LDLRAD3: variants seen among roughly 807,000 people sequenced by gnomAD.
LDLRAD3 encodes low-density lipoprotein receptor class A domain-containing protein 3.
A neutral mutation model predicts 29.4 loss-of-function variants in LDLRAD3; 20 were observed. The ratio of observed to expected loss-of-function variants is 0.68; its 90% CI spans 0.48 to 0.99. LDLRAD3 has a LOEUF of 0.99. Among genes scored for constraint, LDLRAD3 ranks in the 50% least tolerant of loss-of-function variants. LDLRAD3 has a pLI of 0.00. For synonymous variants in LDLRAD3, 157 were observed against 192.7 expected, an observed-to-expected ratio of 0.81 and a Z score of 1.53; for missense variants, 420 against 454.3, an observed-to-expected ratio of 0.92 and a Z score of 0.69.
intron 1 of LDLRAD3, among the ~76,000 whole-genome samples, chr11:36,010,736 C>T (rs576597884): frequency 1.9e-3 from 289 of 152,288 alleles, no homozygotes; most frequent in African/African-American, 6.4e-3. Flanking sequence ...ACCTGCAAAG[C>T]AGCCTGGGTG....
intron 1 of LDLRAD3, among the ~76,000 whole-genome samples, chr11:35,992,281 A>G (rs1317269138): frequency 6.6e-6 from 1 of 152,232 alleles, no homozygotes; most frequent in Non-Finnish European, 1.5e-5. Flanking sequence ...TTGATTAAAA[A>G]TATCACAAAG....
At chr11:36,184,067 G>A in intron 4 of LDLRAD3, 1 of 266,208 alleles carries the variant, frequency 3.8e-6, no homozygotes, top group South Asian at 3.1e-5. Flanking sequence ...CCGGGTTCAA[G>A]TGATTCTCCT....
chr11:35,967,395 C>T (rs888878271), intron 1 of LDLRAD3: 3 of 258,870 alleles, frequency 1.2e-5, no homozygotes, highest in African/African-American at 7.0e-5. Context: ...TGCCTTGCAG[C>T]ACTGTTGATG....
At chr11:36,168,498 C>CTTTT (rs5791083) in intron 4 of LDLRAD3, among the ~76,000 whole-genome samples, 372 of 115,094 alleles carry the variant, frequency 3.2e-3, no homozygotes, top group Non-Finnish European at 4.8e-3. Context: ...TTTCTTTCTT[C>CTTTT]TTTTTTTTTT....
chr11:35,980,894 T>C (rs1851532115), intron 1 of LDLRAD3, among the ~76,000 whole-genome samples: 1 of 152,206 alleles, frequency 6.6e-6, no homozygotes, highest in South Asian at 2.1e-4. Context: ...TTTTGGTTAC[T>C]GCTTTTGAAC....
At chr11:36,225,806 C>T (rs1565316897) in intron 4 of LDLRAD3, among the ~76,000 whole-genome samples, 1 of 152,114 alleles carries the variant, frequency 6.6e-6, no homozygotes, top group Non-Finnish European at 1.5e-5. Context: ...CACAGTGGCT[C>T]ACGCCTGTAA....
chr11:35,962,992 G>A lies in LDLRAD3; in HGVS notation c.46+18848G>A, dbSNP rs11033347. 2.3e-3 allele frequency among the ~76,000 whole-genome samples: 350 copies of A among 152,324 alleles called. 1 individual carries two copies. The highest frequency in any genetic ancestry group is 4.1e-3 in the South Asian group (20 of 4,820). Reference sequence around the variant, plus strand: ...CATAATCAAAACAACACAGAGATCAGAACTACAGAGATGTAGATGTTAATG... The same window carrying A: ...CATAATCAAAACAACACAGAGATCAAAACTACAGAGATGTAGATGTTAATG... On this transcript the variant is annotated intron_variant, in intron 1 of 5. Transcript: ENST00000315571.
chr11:36,147,304 G>A (rs187697404), intron 4 of LDLRAD3, among the ~76,000 whole-genome samples: 3,360 of 151,436 alleles, frequency 0.022, 46 homozygotes, highest in Non-Finnish European at 0.032. Flanking sequence ...ATTTTTAGTA[G>A]AGACAGGGTT....
Position 35,992,979 on chromosome 11 carries a change from A to AT in LDLRAD3, c.47-43117dup, listed in dbSNP as rs536435655. ...ATTCTAATTTATTCCAGTCTTTTCC[A>AT]TTTTTTTCTTTAAAAGTGTCTGGAC... On this transcript the variant is annotated intron_variant, in intron 1 of 5. Coordinates refer to ENST00000315571, the MANE Select transcript of LDLRAD3 (RefSeq NM_174902.4). 2.0e-3 allele frequency among the ~76,000 whole-genome samples: 307 copies of AT among 152,210 alleles called. 8 individuals carry two copies. The highest frequency in any genetic ancestry group is 0.018 in the Admixed American group (276 of 15,274).
intron 4 of LDLRAD3, among the ~76,000 whole-genome samples, chr11:36,108,717 G>A (rs1399852253): frequency 6.6e-6 from 1 of 152,150 alleles, no homozygotes; most frequent in African/African-American, 2.4e-5. Context: ...ACAGCGTGAT[G>A]CATTTGAGGA....
intron 1 of LDLRAD3, among the ~76,000 whole-genome samples, chr11:35,994,685 C>G (rs1851732074): frequency 6.6e-6 from 1 of 152,218 alleles, no homozygotes; most frequent in Admixed American, 6.5e-5. Context: ...TTTTATAGCA[C>G]TTTATGCGCA....
chr11:35,950,517 GTGTGTA>G (rs369538126), intron 1 of LDLRAD3, among the ~76,000 whole-genome samples: 11 of 152,206 alleles, frequency 7.2e-5, no homozygotes, highest in South Asian at 6.2e-4. Context: ...ATATGTGTAT[GTGTGTA>G]TGTGTATGTG....
chr11:36,187,928 G>A (rs1291625631), intron 4 of LDLRAD3, among the ~76,000 whole-genome samples: 1 of 152,172 alleles, frequency 6.6e-6, no homozygotes, highest in Admixed American at 6.5e-5. Flanking sequence ...TGTTTCTGTA[G>A]TACTTTGTGC....
intron 1 of LDLRAD3, among the ~76,000 whole-genome samples, chr11:35,949,554 G>A (rs528699937): frequency 6.6e-6 from 1 of 152,256 alleles, no homozygotes; most frequent in Admixed American, 6.5e-5. Context: ...GCAGGTGCTT[G>A]GGAAAATCAT....
chr11:36,045,388 T>A lies in LDLRAD3; in HGVS notation c.193+9139T>A, dbSNP rs573627430. Among the ~76,000 whole-genome samples, 5 of 152,340 alleles carry A rather than the reference T, an allele frequency of 3.3e-5. No homozygotes were observed. In the South Asian group the frequency reaches 1.0e-3, roughly 32 times the overall value. ...CTGTAACAACATACCACAAACTGGG[T>A]GGCTTAGAACAACAGATATTTATTC... is the stretch of plus-strand genomic sequence containing the variant. On this transcript the variant is annotated intron_variant, in intron 2 of 5. Transcript: ENST00000315571.
intron 2 of LDLRAD3, among the ~76,000 whole-genome samples, chr11:36,052,024 C>T (rs1259878062): frequency 6.6e-6 from 1 of 152,184 alleles, no homozygotes; most frequent in Non-Finnish European, 1.5e-5. Context: ...ACAAGCAGCC[C>T]AGGGGAGTCT....
intron 3 of LDLRAD3, among the ~76,000 whole-genome samples, chr11:36,094,331 T>A (rs3928607): frequency 0.14 from 21,028 of 152,212 alleles, 1,864 homozygotes; most frequent in Middle Eastern, 0.24. Context: ...GCATACATAG[T>A]ATGCCTTTCA....
chr11:36,013,401 T>C (rs1308404986), intron 1 of LDLRAD3, among the ~76,000 whole-genome samples: 1 of 152,144 alleles, frequency 6.6e-6, no homozygotes, highest in Non-Finnish European at 1.5e-5. Context: ...CTACCCATTG[T>C]CTAGGTTTTA....
chr11:36,191,902 G>T (rs560989914), intron 4 of LDLRAD3, among the ~76,000 whole-genome samples: 1 of 152,094 alleles, frequency 6.6e-6, no homozygotes, highest in East Asian at 1.9e-4. Flanking sequence ...TTGAAAATGG[G>T]CATATGTGTG....
Sources: allele counts gnomAD v4.1 joint callset (sites outside exome capture counted in the v4.1 genomes callset), GRCh38; gene constraint gnomAD v4.1.1; transcripts MANE v1.5; gene names NCBI Gene and HGNC (gene_info 2026-07-23, HGNC 2026-07-21).